LIPH: variants seen among roughly 807,000 people sequenced by gnomAD.
LIPH encodes the protein lipase H, also known as lipase member H.
A neutral mutation model predicts 47.6 loss-of-function variants in LIPH; 32 were observed. The observed-to-expected ratio is 0.67, with a 90% CI of 0.51 to 0.90. The LOEUF is 0.90. Ranked by LOEUF, LIPH falls within the 40% of genes least tolerant of loss-of-function variation. The pLI is 0.00. For missense variants in LIPH, 497 were observed against 541.4 expected (o/e 0.92, Z 0.81); for synonymous variants, 190 against 195.6 (o/e 0.97, Z 0.24).
At position 185,506,339 on chromosome 3, in the gene LIPH, A is replaced by G. The variant is rs1380033066; in HGVS notation, c.*2451T>C. The G allele has an allele frequency of 6.6e-6, 1 of 152,172 alleles. No individual in the cohort carries two copies. The highest frequency in any genetic ancestry group is 1.5e-5 in the Non-Finnish European group (1 of 68,044). 9.4% of individuals were successfully genotyped at this position (152,172 alleles called of 1,614,324 possible). A position where few individuals can be genotyped will look rare whatever the true frequency, so the allele number is the denominator to read the frequency against. The stretch of plus-strand genomic sequence containing the variant: ...GAAATTCATCTCCTCTCCGGTGAAC[A>G]AACTTCCTTTCTTTATCCATTCATT... On this transcript the variant is annotated 3_prime_UTR_variant, in exon 10 of 10. Transcript: ENST00000296252.
At chr3:185,544,654 C>T (rs1025285649) in intron 1 of LIPH, among the ~76,000 whole-genome samples, 2 of 152,250 alleles carry the variant, frequency 1.3e-5, no homozygotes, top group South Asian at 2.1e-4. Flanking sequence ...TGAGCCTGGG[C>T]GAGAATTTTC....
chr3:185,549,517 G>A (rs925641694), intron 1 of LIPH, among the ~76,000 whole-genome samples: 4 of 152,256 alleles, frequency 2.6e-5, no homozygotes, highest in South Asian at 4.1e-4. Flanking sequence ...CCAAAATATC[G>A]ATAGCAGAGT....
At chr3:185,539,198 A>G (rs1237789674) in intron 1 of LIPH, among the ~76,000 whole-genome samples, 1 of 151,454 alleles carries the variant, frequency 6.6e-6, no homozygotes, top group Non-Finnish European at 1.5e-5. Context: ...CAATCTCTTG[A>G]CCTTGTGATC....
intron 1 of LIPH, among the ~76,000 whole-genome samples, chr3:185,541,579 G>T (rs1405082494): frequency 3.3e-5 from 5 of 149,868 alleles, no homozygotes; most frequent in Admixed American, 6.6e-5. Context: ...TATTTTTTTT[G>T]AATTTTGGTA....
chr3:185,543,796 T>C (rs1231615979), intron 1 of LIPH, among the ~76,000 whole-genome samples: 1 of 151,850 alleles, frequency 6.6e-6, no homozygotes, highest in Non-Finnish European at 1.5e-5. Flanking sequence ...CATTGCTCAC[T>C]GAGTCCTTTT....
chr3:185,513,356 G>GA (rs201488797), intron 8 of LIPH, among the ~76,000 whole-genome samples: 2,410 of 143,296 alleles, frequency 0.017, 29 homozygotes, highest in Non-Finnish European at 0.027. Flanking sequence ...AAAAAAAAAA[G>GA]ATGTAAATGT....
chr3:185,550,212 C>T (rs1259337383), intron 1 of LIPH, among the ~76,000 whole-genome samples: 1 of 152,148 alleles, frequency 6.6e-6, no homozygotes, highest in African/African-American at 2.4e-5. Flanking sequence ...TTATTCAACA[C>T]CCTCCCTAAT....
At chr3:185,518,775 G>A (rs1049869906) in intron 6 of LIPH, among the ~76,000 whole-genome samples, 6 of 151,952 alleles carry the variant, frequency 3.9e-5, no homozygotes, top group Non-Finnish European at 8.8e-5. Context: ...AGGCTGGAGT[G>A]CAGTGGCATG....
At chr3:185,526,980 C>T (rs1001371153) in intron 4 of LIPH, among the ~76,000 whole-genome samples, 3 of 152,174 alleles carry the variant, frequency 2.0e-5, no homozygotes, top group Non-Finnish European at 4.4e-5. Flanking sequence ...TGGCTCACGC[C>T]TGTAATCCCA....
At chr3:185,531,878 C>T (rs1217490314) in intron 3 of LIPH, among the ~76,000 whole-genome samples, 1 of 152,060 alleles carries the variant, frequency 6.6e-6, no homozygotes, top group African/African-American at 2.4e-5. Flanking sequence ...CTCACTCTGT[C>T]ACCCAGGCTT....
intron 4 of LIPH, among the ~76,000 whole-genome samples, chr3:185,526,572 A>G (rs531162498): frequency 9.2e-5 from 12 of 131,094 alleles, no homozygotes; most frequent in South Asian, 2.8e-4. Context: ...GATAAAATAA[A>G]ATAAAAATAA....
chr3:185,515,296 A>G (rs1719694508), intron 7 of LIPH, among the ~76,000 whole-genome samples: 1 of 150,624 alleles, frequency 6.6e-6, no homozygotes, highest in Admixed American at 6.6e-5. Context: ...ATAATGTCTT[A>G]TGGGTTTTTT....
chr3:185,530,665 G>A (rs1405392004), intron 3 of LIPH, among the ~76,000 whole-genome samples: 2 of 151,884 alleles, frequency 1.3e-5, no homozygotes, highest in Non-Finnish European at 2.9e-5. Flanking sequence ...GTGAGACTGT[G>A]TCTCAAAAAA....
At chr3:185,543,990 A>G (rs1237366321) in intron 1 of LIPH, among the ~76,000 whole-genome samples, 1 of 151,572 alleles carries the variant, frequency 6.6e-6, no homozygotes, top group Non-Finnish European at 1.5e-5. Flanking sequence ...AGCTGAGATT[A>G]TAGGTGCATG....
At chr3:185,525,786 T>G (rs1351462048) in intron 4 of LIPH, among the ~76,000 whole-genome samples, 13 of 152,248 alleles carry the variant, frequency 8.5e-5, no homozygotes, top group Admixed American at 8.5e-4. Flanking sequence ...AGCATTAAAA[T>G]GTACTTTGCA....
intron 5 of LIPH, among the ~76,000 whole-genome samples, chr3:185,522,569 GGGAA>G (rs1218920103): frequency 8.7e-5 from 13 of 150,062 alleles, no homozygotes; most frequent in African/African-American, 2.0e-4. Flanking sequence ...AAGGGAATGA[GGGAA>G]GGAAGGAAGC....
In LIPH at chr3:185,525,043, C is replaced by T. The variant is rs146962683; in HGVS notation, c.629-883G>A. Among the ~76,000 whole-genome samples, 903 of 151,138 alleles carry T rather than the reference C, an allele frequency of 6.0e-3. 13 individuals carry two copies. Among genetic ancestry groups the T allele is most frequent in the African/African-American group, 0.021 (845 of 41,142 alleles). ...CAGCCTGGGCAAAATGGCGAAACCCCGTCTCTACAAAATATACAAAAATTA... is the reference window on the plus strand; with the variant it reads ...CAGCCTGGGCAAAATGGCGAAACCCTGTCTCTACAAAATATACAAAAATTA... On this transcript the variant is annotated intron_variant, in intron 4 of 9. Coordinates refer to ENST00000296252, the MANE Select transcript of LIPH (RefSeq NM_139248.3).
chr3:185,534,722 C>T, intron 2 of LIPH, 43 bp downstream of exon 2: 1 of 1,607,370 alleles, frequency 6.2e-7, no homozygotes, highest in African/African-American at 1.3e-5. Flanking sequence ...GATAATGGGC[C>T]AGTTTCAACT....
chr3:185,531,368 G>A (rs1053131318), intron 3 of LIPH, among the ~76,000 whole-genome samples: 5 of 151,788 alleles, frequency 3.3e-5, no homozygotes, highest in East Asian at 1.9e-4. Flanking sequence ...GCAACATGGC[G>A]AAACTCCATC....
Sources: gnomAD v4.1 joint callset for allele counts (sites outside exome capture counted in the v4.1 genomes callset) on GRCh38, gnomAD v4.1.1 for gene constraint, MANE v1.5 for transcripts, NCBI Gene and HGNC (gene_info 2026-07-23, HGNC 2026-07-21) for gene names.